Variants in SH3RF2 observed in about 807,000 individuals in gnomAD.
SH3RF2 encodes E3 ubiquitin-protein ligase SH3RF2.
SH3RF2 carries 43 observed loss-of-function variants against 59.0 expected under a neutral mutation model. That is an observed-to-expected ratio of 0.73 (90% CI 0.57 to 0.94). SH3RF2 has a LOEUF of 0.94. Among genes scored for constraint, SH3RF2 ranks in the 40% least tolerant of loss-of-function variants. The pLI is 0.00. For missense variants in SH3RF2, 930 were observed against 940.1 expected, an observed-to-expected ratio of 0.99 and a Z score of 0.14; for synonymous variants, 391 against 391.5, an observed-to-expected ratio of 1.00 and a Z score of 0.01.
At chr5:145,956,079 A>T (rs1758395226) in intron 2 of SH3RF2, among the ~76,000 whole-genome samples, 1 of 152,170 alleles carries the variant, frequency 6.6e-6, no homozygotes, top group African/African-American at 2.4e-5. Flanking sequence ...CCTGTTAAAA[A>T]TGTACATTCT....
At chr5:145,957,918 GC>G (rs1197731464) in intron 2 of SH3RF2, among the ~76,000 whole-genome samples, 1 of 152,130 alleles carries the variant, frequency 6.6e-6, no homozygotes, top group Non-Finnish European at 1.5e-5. Flanking sequence ...TTTGAGACCA[GC>G]CTGGCCAACA....
At chr5:146,064,780 G>GAAGGAAGGA (rs1561773672), downstream of SH3RF2, among the ~76,000 whole-genome samples, 412 of 21,428 alleles carry the variant, frequency 0.019, 61 homozygotes, top group East Asian at 0.041. Flanking sequence ...GGAAGGAAAG[G>GAAGGAAGGA]AAGGAAGGAA....
intron 5 of SH3RF2, among the ~76,000 whole-genome samples, chr5:146,029,225 A>G (rs1344312428): frequency 6.6e-6 from 1 of 152,214 alleles, no homozygotes; most frequent in Non-Finnish European, 1.5e-5. Flanking sequence ...GAGGCTAAGT[A>G]TCTAGTTCAG....
chr5:145,947,455 A>C (rs1192711374), intron 2 of SH3RF2, among the ~76,000 whole-genome samples: 1 of 152,218 alleles, frequency 6.6e-6, no homozygotes, highest in Non-Finnish European at 1.5e-5. Flanking sequence ...GGATTTAATG[A>C]GATGATGCCT....
chr5:146,073,177 G>T (rs1451218141), intron 9 of SH3RF2, among the ~76,000 whole-genome samples: 2 of 152,190 alleles, frequency 1.3e-5, no homozygotes, highest in Non-Finnish European at 2.9e-5. Flanking sequence ...CGGTGCCAGG[G>T]TTGGGGCAAT....
chr5:145,961,177 T>C (rs1481414352), intron 2 of SH3RF2, among the ~76,000 whole-genome samples: 2 of 136,212 alleles, frequency 1.5e-5, no homozygotes, highest in East Asian at 3.9e-4. Flanking sequence ...CATCCTCCTT[T>C]TTTTTTTTTT....
chr5:146,013,612 C>T (rs547702263), intron 4 of SH3RF2, 135 bp from the exon 5 acceptor site: 19 of 842,256 alleles, frequency 2.3e-5, no homozygotes, highest in African/African-American at 3.5e-5. Context: ...TTACTGTGCT[C>T]ACCAAGGAAT....
intron 2 of SH3RF2, among the ~76,000 whole-genome samples, chr5:145,946,452 A>C (rs1243929909): frequency 6.6e-6 from 1 of 152,206 alleles, no homozygotes. Flanking sequence ...GGGATCATGA[A>C]ATAACTCCTC....
exon 10 of SH3RF2, chr5:146,078,608 A>G (rs1763376660): frequency 6.6e-6 from 1 of 152,238 alleles, no homozygotes; most frequent in South Asian, 2.1e-4. Flanking sequence ...AGGGATACCA[A>G]TAGTCTGGCC....
At chr5:146,058,388 G>T (rs1762758600) in intron 8 of SH3RF2, among the ~76,000 whole-genome samples, 1 of 152,140 alleles carries the variant, frequency 6.6e-6, no homozygotes, top group South Asian at 2.1e-4. Context: ...AATTGACTGC[G>T]TGAACCCCAC....
At chr5:146,004,714 AAATG>A (rs1760569285) in intron 4 of SH3RF2, among the ~76,000 whole-genome samples, 2 of 152,220 alleles carry the variant, frequency 1.3e-5, no homozygotes, top group South Asian at 4.1e-4. Flanking sequence ...GAGAATAAAT[AAATG>A]GAGAATAATA....
At chr5:146,017,441 G>C (rs535944612) in intron 5 of SH3RF2, among the ~76,000 whole-genome samples, 1 of 152,008 alleles carries the variant, frequency 6.6e-6, no homozygotes, top group Non-Finnish European at 1.5e-5. Flanking sequence ...GATCCTGCTC[G>C]CCCTCTGCCT....
intron 2 of SH3RF2, among the ~76,000 whole-genome samples, chr5:145,983,651 G>A (rs1759591566): frequency 6.6e-6 from 1 of 152,180 alleles, no homozygotes; most frequent in African/African-American, 2.4e-5. Context: ...GTTCTGAATA[G>A]GCAGAAAAAG....
intron 9 of SH3RF2, among the ~76,000 whole-genome samples, chr5:146,069,675 G>A (rs779484247): frequency 6.6e-6 from 1 of 152,182 alleles, no homozygotes; most frequent in South Asian, 2.1e-4. Context: ...CCCGGCTCAA[G>A]TGATTCTCCC....
In SH3RF2 at chr5:146,038,479, G is replaced by T. The variant is rs971418202; in HGVS notation, c.1060-9293G>T. 4.6e-5 allele frequency among the ~76,000 whole-genome samples: 7 copies of T among 152,280 alleles called. No individual in the cohort carries two copies. The East Asian group carries it at 7.7e-4, about 17-fold the overall frequency. ...TGGGAATAAACATGAGCTTATCAAG[G>T]TTGCTGAATACAAATCAATATAAGA... On this transcript the variant is annotated intron_variant, in intron 5 of 9. Coordinates refer to ENST00000359120, the MANE Select transcript of SH3RF2 (RefSeq NM_152550.4).
At chr5:145,975,386 C>T (rs900301935) in intron 2 of SH3RF2, among the ~76,000 whole-genome samples, 2 of 152,222 alleles carry the variant, frequency 1.3e-5, no homozygotes, top group Non-Finnish European at 2.9e-5. Flanking sequence ...CCAAGTCTCT[C>T]ATCTTAGAGG....
At position 146,060,365 on chromosome 5, in the gene SH3RF2, C is replaced by T. The variant is rs1010813935; in HGVS notation, c.1914+141C>T. On this transcript the variant is annotated intron_variant, in intron 9 of 9. Transcript: ENST00000359120. ...AATCCTCACACATAACACTCCTCCT[C>T]CCCAACTCCCCACTGAGCCATGGCC... is the stretch of plus-strand genomic sequence containing the variant. The T allele has an allele frequency of 8.6e-6, 6 of 701,418 alleles. No individual in the cohort carries two copies. The African/African-American group carries it at 1.1e-4, about 13-fold the overall frequency. 43.4% of individuals were successfully genotyped at this position (701,418 alleles called of 1,614,324 possible).
At chr5:146,028,762 A>C (rs1047677684) in intron 5 of SH3RF2, among the ~76,000 whole-genome samples, 1 of 152,214 alleles carries the variant, frequency 6.6e-6, no homozygotes, top group Non-Finnish European at 1.5e-5. Context: ...TGTGTGAAAA[A>C]GATGCCCTTT....
At chr5:146,050,107 C>T (rs572671643) in intron 7 of SH3RF2, 26 of 152,256 alleles carry the variant, frequency 1.7e-4, no homozygotes, top group African/African-American at 5.1e-4. Context: ...CTGCCACGTC[C>T]GGAGGAGGGC....
Sources: allele counts gnomAD v4.1 joint callset (sites outside exome capture counted in the v4.1 genomes callset), GRCh38; gene constraint gnomAD v4.1.1; transcripts MANE v1.5; gene names NCBI Gene and HGNC (gene_info 2026-07-23, HGNC 2026-07-21).